COP1: variants seen among roughly 807,000 people sequenced by gnomAD.
COP1 encodes COP1 E3 ubiquitin ligase.
COP1 carries 24 observed loss-of-function variants against 101.3 expected under a neutral mutation model. The ratio of observed to expected loss-of-function variants is 0.24; its 90% CI spans 0.17 to 0.33. COP1 has a LOEUF of 0.33. COP1 is among the 10% of genes least tolerant of loss of function. The probability of loss-of-function intolerance (pLI) is 1.00; values close to 1 mark genes in which losing one functional copy is unlikely to be tolerated. For synonymous variants in COP1, 347 were observed against 341.9 expected, an observed-to-expected ratio of 1.01 and a Z score of -0.17; for missense variants, 663 against 906.2, an observed-to-expected ratio of 0.73 and a Z score of 3.45.
At chr1:176,087,023 T>C (rs952174593) in intron 9 of COP1, among the ~76,000 whole-genome samples, 2 of 152,216 alleles carry the variant, frequency 1.3e-5, no homozygotes, top group African/African-American at 4.8e-5. Context: ...ATTCCCTATT[T>C]AGTAAATGGT....
intron 14 of COP1, among the ~76,000 whole-genome samples, chr1:176,032,920 T>G (rs367998234): frequency 1.3e-3 from 199 of 152,276 alleles, no homozygotes; most frequent in African/African-American, 4.6e-3. Flanking sequence ...TAGTAAAGCT[T>G]TAACTTATAG....
At chr1:176,205,427 C>A (rs188194866) in intron 1 of COP1, among the ~76,000 whole-genome samples, 52 of 152,292 alleles carry the variant, frequency 3.4e-4, no homozygotes, top group African/African-American at 1.2e-3. Context: ...CAATAACTTT[C>A]CTAACAGTTC....
At chr1:176,001,596 G>A (rs1661620215) in intron 15 of COP1, among the ~76,000 whole-genome samples, 1 of 151,948 alleles carries the variant, frequency 6.6e-6, no homozygotes, top group Non-Finnish European at 1.5e-5. Context: ...GTATTCTCAG[G>A]GCAAATGAGT....
At chr1:176,097,931 A>G (rs910355125) in intron 9 of COP1, among the ~76,000 whole-genome samples, 3 of 152,024 alleles carry the variant, frequency 2.0e-5, no homozygotes, top group East Asian at 3.9e-4. Flanking sequence ...CTTTGATCAA[A>G]TGTTTTTTAA....
intron 3 of COP1, 59 bp from the exon 4 acceptor site, chr1:176,163,950 T>A: frequency 8.5e-7 from 1 of 1,181,206 alleles, no homozygotes; most frequent in Non-Finnish European, 1.2e-6. Context: ...AAATGTATCA[T>A]GTAATTCTTC....
rs1343941984 is a variant in COP1 at position 176,207,270 on chromosome 1, T to A, written c.-292A>T. ...AACCCCGGCGCGCCGTGGCCGGCCGTGCGCGCGCGCGCGAGCGGCGGAAGA... is the reference window on the plus strand; with the variant it reads ...AACCCCGGCGCGCCGTGGCCGGCCGAGCGCGCGCGCGCGAGCGGCGGAAGA... On this transcript the variant is annotated 5_prime_UTR_variant, in exon 1 of 20. Coordinates refer to ENST00000367669, the MANE Select transcript of COP1 (RefSeq NM_022457.7). 1 of 381,880 alleles carries A rather than the reference T, an allele frequency of 2.6e-6. No individual in the cohort carries two copies. The highest frequency in any genetic ancestry group is 4.6e-6 in the Non-Finnish European group (1 of 215,444). 23.7% of individuals were successfully genotyped at this position (381,880 alleles called of 1,614,324 possible).
intron 15 of COP1, among the ~76,000 whole-genome samples, chr1:176,016,421 T>G (rs1398167720): frequency 1.3e-5 from 2 of 152,170 alleles, no homozygotes; most frequent in African/African-American, 4.8e-5. Context: ...AGAGATCAAA[T>G]GAAATAAGGG....
At chr1:176,188,588 C>T (rs1191379950) in intron 1 of COP1, among the ~76,000 whole-genome samples, 1 of 152,096 alleles carries the variant, frequency 6.6e-6, no homozygotes, top group East Asian at 1.9e-4. Flanking sequence ...CACTTCATAT[C>T]TCTGTGTCAC....
At chr1:176,100,721 AC>A (rs1683259980) in intron 9 of COP1, among the ~76,000 whole-genome samples, 1 of 152,174 alleles carries the variant, frequency 6.6e-6, no homozygotes, top group Non-Finnish European at 1.5e-5. Flanking sequence ...AGAACTATGC[AC>A]CCAAATCTTA....
chr1:176,085,991 A>C, intron 9 of COP1, 101 bp from the exon 10 acceptor site: 1 of 562,606 alleles, frequency 1.8e-6, no homozygotes, highest in Non-Finnish European at 3.2e-6. Context: ...AGTTCATCAC[A>C]GTAAAATGAT....
intron 13 of COP1, 45 bp downstream of exon 13, chr1:176,043,665 C>T: frequency 1.7e-6 from 2 of 1,146,936 alleles, no homozygotes; most frequent in Non-Finnish European, 2.6e-6. Context: ...TTTTAACAAA[C>T]CAAATGTATG....
chr1:176,070,106 C>G (rs1462787927), intron 11 of COP1, among the ~76,000 whole-genome samples: 1 of 152,156 alleles, frequency 6.6e-6, no homozygotes. Flanking sequence ...CTTGAACAAG[C>G]TCCTCCTCCA....
chr1:176,070,704 T>TGTA (rs1408708482), intron 11 of COP1, among the ~76,000 whole-genome samples: 2 of 151,900 alleles, frequency 1.3e-5, no homozygotes, highest in African/African-American at 2.4e-5. Flanking sequence ...CAGACTGGAG[T>TGTA]GTAGTAGTGC....
At chr1:176,060,576 T>C (rs542042467) in intron 11 of COP1, among the ~76,000 whole-genome samples, 1 of 152,282 alleles carries the variant, frequency 6.6e-6, no homozygotes, top group Admixed American at 6.5e-5. Context: ...CAAAATAAAA[T>C]ACATCTAATT....
intron 15 of COP1, among the ~76,000 whole-genome samples, chr1:176,003,216 ATTTG>A (rs1407481837): frequency 6.6e-6 from 1 of 152,004 alleles, no homozygotes; most frequent in African/African-American, 2.4e-5. Context: ...TTTCTTGTAA[ATTTG>A]TTTGAGTTCA....
intron 1 of COP1, among the ~76,000 whole-genome samples, 178 bp from the exon 2 acceptor site, chr1:176,184,870 G>C (rs1698253185): frequency 6.6e-6 from 1 of 152,008 alleles, no homozygotes; most frequent in Non-Finnish European, 1.5e-5. Context: ...GGGGATTGTT[G>C]GTAAAATGAT....
intron 15 of COP1, among the ~76,000 whole-genome samples, chr1:175,992,067 T>A (rs1206671750): frequency 6.6e-6 from 1 of 152,224 alleles, no homozygotes; most frequent in Non-Finnish European, 1.5e-5. Flanking sequence ...TGTGCTAGAC[T>A]TTTTGAACAT....
chr1:176,044,982 A>G (rs932387774), intron 12 of COP1, among the ~76,000 whole-genome samples: 12 of 152,168 alleles, frequency 7.9e-5, no homozygotes, highest in African/African-American at 2.9e-4. Context: ...TAAAAGTACA[A>G]TCCTATTAAA....
At position 176,086,008 on chromosome 1, in the gene COP1, T is replaced by C. The variant is rs1680065203; in HGVS notation, c.1027-118A>G. On this transcript the variant is annotated intron_variant, in intron 9 of 19. Transcript: ENST00000367669. ...TTCATCACAGTAAAATGATCACAAA[T>C]AGTAAAAAACTGTAATTCTGAGATA... 2.1e-5 allele frequency: 11 copies of C among 513,060 alleles called. No homozygotes were observed. In the South Asian group the frequency reaches 5.1e-4, roughly 24 times the overall value. The allele number at this position is 513,060 out of a possible 1,614,324, so 31.8% of individuals were successfully genotyped here.
Sources: allele counts gnomAD v4.1 joint callset (sites outside exome capture counted in the v4.1 genomes callset), GRCh38; gene constraint gnomAD v4.1.1; transcripts MANE v1.5; gene names NCBI Gene and HGNC (gene_info 2026-07-23, HGNC 2026-07-21).